Variants in CBLB observed in about 807,000 individuals in gnomAD.
CBLB encodes E3 ubiquitin-protein ligase CBL-B.
In CBLB, 31 loss-of-function variants were observed where a neutral mutation model predicts 104.9. The ratio of observed to expected loss-of-function variants is 0.30; its 90% CI spans 0.22 to 0.40. The LOEUF (loss-of-function observed/expected upper bound fraction) is 0.40, where lower values mean the gene tolerates loss of function less well. CBLB is among the 10% of genes least tolerant of loss of function. The probability of loss-of-function intolerance (pLI) is 1.00; values close to 1 mark genes in which losing one functional copy is unlikely to be tolerated. For missense variants in CBLB, 1,062 were observed against 1,214.6 expected (o/e 0.87, Z 1.87); for synonymous variants, 440 against 422.6 (o/e 1.04, Z -0.51).
At chr3:105,707,004 C>T (rs908331480) in intron 10 of CBLB, among the ~76,000 whole-genome samples, 11 of 152,076 alleles carry the variant, frequency 7.2e-5, no homozygotes, top group African/African-American at 2.7e-4. Context: ...TTGACTTTCA[C>T]CCTAGATTGG....
At chr3:105,739,972 G>A (rs12695122) in intron 7 of CBLB, among the ~76,000 whole-genome samples, 32,740 of 152,032 alleles carry the variant, frequency 0.22, 3,656 homozygotes, top group Admixed American at 0.26. Flanking sequence ...GCATGGTGGC[G>A]CACGCCTGTA....
At chr3:105,817,445 T>C (rs1014851758) in intron 3 of CBLB, among the ~76,000 whole-genome samples, 23 of 152,150 alleles carry the variant, frequency 1.5e-4, no homozygotes, top group Non-Finnish European at 3.2e-4. Flanking sequence ...TTGAGGACAC[T>C]AAAAGAAGCA....
chr3:105,700,883 G>A (rs992091412), intron 12 of CBLB, among the ~76,000 whole-genome samples: 3 of 152,164 alleles, frequency 2.0e-5, no homozygotes, highest in African/African-American at 4.8e-5. Flanking sequence ...TGCAAGTCAC[G>A]CTTCTTCCTT....
intron 3 of CBLB, among the ~76,000 whole-genome samples, chr3:105,797,025 T>A (rs2082324673): frequency 1.3e-5 from 2 of 152,312 alleles, no homozygotes; most frequent in Middle Eastern, 6.8e-3. Context: ...GAAAGCAATC[T>A]TGATTACTCA....
In CBLB at chr3:105,826,327, T is replaced by C. The variant is rs537202269; in HGVS notation, c.419+27087A>G. 1.9e-3 allele frequency among the ~76,000 whole-genome samples: 291 copies of C among 152,292 alleles called. 2 individuals carry two copies. The highest frequency in any genetic ancestry group is 5.0e-3 in the Admixed American group (77 of 15,294). On this transcript the variant is annotated intron_variant, in intron 3 of 18. Transcript: ENST00000394030. ...CCATATAACAAGGCAGTATAAAACA[T>C]GATCTCCATTTTGAAAAAAGATAAA...
chr3:105,711,615 T>C (rs948555677), intron 10 of CBLB, among the ~76,000 whole-genome samples: 11 of 152,102 alleles, frequency 7.2e-5, no homozygotes, highest in African/African-American at 2.4e-4. Flanking sequence ...AATATTGTGT[T>C]AGAGCAATAC....
At position 105,656,892 on chromosome 3, in the gene CBLB, T is replaced by C. The variant is rs907380505; in HGVS notation, c.*2078A>G. ...GCTATTCCAAGGTGACATCTGAAAC[T>C]GTTAAAACAAGTGAAAAATCATAAT... On this transcript the variant is annotated 3_prime_UTR_variant, in exon 19 of 19. Transcript: ENST00000394030. 1.2e-4 allele frequency: 25 copies of C among 211,740 alleles called. No homozygotes were observed. The highest frequency in any genetic ancestry group is 1.9e-5 in the Non-Finnish European group (2 of 104,632). The allele number at this position is 211,740 out of a possible 1,614,324, so 13.1% of individuals were successfully genotyped here. A position where few individuals can be genotyped will look rare whatever the true frequency, so the allele number is the denominator to read the frequency against.
chr3:105,670,044 T>C (rs1266037115), intron 18 of CBLB, among the ~76,000 whole-genome samples, 189 bp downstream of exon 18: 6 of 152,162 alleles, frequency 3.9e-5, no homozygotes, highest in Admixed American at 3.3e-4. Flanking sequence ...ATTTTTCTTT[T>C]CAATGAGGCA....
At position 105,658,865 on chromosome 3, in the gene CBLB, C is replaced by A; in HGVS notation, c.*105G>T. The stretch of plus-strand genomic sequence containing the variant: ...CCAAGCCTCTTCTCAAGCTGCTACA[C>A]GAGGAGGAGACACTTCTCTCTTGAA... On this transcript the variant is annotated 3_prime_UTR_variant, in exon 19 of 19. Coordinates refer to ENST00000394030, the MANE Select transcript of CBLB (RefSeq NM_170662.5). 8.0e-7 allele frequency: 1 copy of A among 1,254,190 alleles called. No individual in the cohort carries two copies. The highest frequency in any genetic ancestry group is 2.3e-5 in the East Asian group (1 of 42,994). The allele number at this position is 1,254,190 out of a possible 1,614,324, so 77.7% of individuals were successfully genotyped here.
At chr3:105,840,735 A>C (rs2089419806) in intron 3 of CBLB, among the ~76,000 whole-genome samples, 2 of 152,220 alleles carry the variant, frequency 1.3e-5, no homozygotes, top group African/African-American at 4.8e-5. Flanking sequence ...TGAGGTTTAG[A>C]CACTGATAAC....
chr3:105,687,913 A>G (rs2152743973), intron 13 of CBLB, among the ~76,000 whole-genome samples: 1 of 152,142 alleles, frequency 6.6e-6, no homozygotes, highest in Non-Finnish European at 1.5e-5. Context: ...AAAAAACTAG[A>G]GTCATGTAAC....
rs1451799275 is a variant in CBLB, at chr3:105,752,543, TC to T, written c.567-926del. Among the ~76,000 whole-genome samples, 4 of 152,166 alleles carry T rather than the reference TC, an allele frequency of 2.6e-5. No homozygotes were observed. The East Asian group carries it at 7.7e-4, about 29-fold the overall frequency. On this transcript the variant is annotated intron_variant, in intron 4 of 18. Coordinates refer to ENST00000394030, the MANE Select transcript of CBLB (RefSeq NM_170662.5). ...TTACAACAGAATAGCATAAAAGCCG[TC>T]CCTCTTATAAGATAACATCCTCTTA...
At chr3:105,731,954 C>T (rs1210902642) in intron 9 of CBLB, among the ~76,000 whole-genome samples, 5 of 152,182 alleles carry the variant, frequency 3.3e-5, no homozygotes, top group Non-Finnish European at 7.3e-5. Flanking sequence ...GGCTGAAATA[C>T]ACAAGCCCTG....
At chr3:105,750,221 C>A (rs1354446316) in intron 5 of CBLB, among the ~76,000 whole-genome samples, 1 of 151,832 alleles carries the variant, frequency 6.6e-6, no homozygotes, top group African/African-American at 2.4e-5. Flanking sequence ...GGTTTCACAT[C>A]CTATATGTAC....
intron 12 of CBLB, 97 bp from the exon 13 acceptor site, chr3:105,693,685 C>T: frequency 1.3e-6 from 1 of 783,210 alleles, no homozygotes; most frequent in Admixed American, 2.0e-5. Context: ...TATGTAAGTT[C>T]AGTATATTTA....
At chr3:105,663,298 G>A (rs2064012937) in intron 18 of CBLB, among the ~76,000 whole-genome samples, 1 of 152,202 alleles carries the variant, frequency 6.6e-6, no homozygotes, top group African/African-American at 2.4e-5. Flanking sequence ...ACTGTTTTAA[G>A]GAAAGGGTCT....
chr3:105,764,542 C>G (rs984702789), intron 4 of CBLB, among the ~76,000 whole-genome samples: 1 of 152,158 alleles, frequency 6.6e-6, no homozygotes, highest in Non-Finnish European at 1.5e-5. Context: ...ACACTGTTCT[C>G]TTTTCTCTCT....
At chr3:105,802,483 G>C (rs910468325) in intron 3 of CBLB, among the ~76,000 whole-genome samples, 1 of 152,152 alleles carries the variant, frequency 6.6e-6, no homozygotes, top group Non-Finnish European at 1.5e-5. Flanking sequence ...AGTTGCATGG[G>C]TGCCAAAGAT....
intron 3 of CBLB, among the ~76,000 whole-genome samples, chr3:105,810,601 T>C (rs1384978570): frequency 6.6e-6 from 1 of 152,102 alleles, no homozygotes; most frequent in Non-Finnish European, 1.5e-5. Flanking sequence ...TACTCTTCTG[T>C]TTATGTCCAA....
Sources: gnomAD v4.1 joint callset for allele counts (sites outside exome capture counted in the v4.1 genomes callset) on GRCh38, gnomAD v4.1.1 for gene constraint, MANE v1.5 for transcripts, NCBI Gene and HGNC (gene_info 2026-07-23, HGNC 2026-07-21) for gene names.